The following NELL1 variants were observed in gnomAD, a reference collection of about 807,000 sequenced individuals.
NELL1 encodes protein kinase C-binding protein NELL1.
In NELL1, 76 loss-of-function variants were observed where a neutral mutation model predicts 107.4. The ratio of observed to expected loss-of-function variants is 0.71; its 90% CI spans 0.59 to 0.86. The LOEUF (loss-of-function observed/expected upper bound fraction) is 0.86. Ranked by LOEUF, NELL1 falls within the 40% of genes least tolerant of loss-of-function variation. The pLI is 0.00. For missense variants in NELL1, 1,024 were observed against 1,005.5 expected, an observed-to-expected ratio of 1.02 and a Z score of -0.25; for synonymous variants, 353 against 341.2, an observed-to-expected ratio of 1.03 and a Z score of -0.38.
intron 15 of NELL1, among the ~76,000 whole-genome samples, chr11:21,385,713 T>C (rs1183473795): frequency 6.6e-6 from 1 of 151,952 alleles, no homozygotes; most frequent in Admixed American, 6.6e-5. Flanking sequence ...CTGAAAAAAC[T>C]TAAATGGTTT....
At chr11:21,451,210 A>G (rs571680555) in intron 15 of NELL1, among the ~76,000 whole-genome samples, 11 of 147,572 alleles carry the variant, frequency 7.5e-5, no homozygotes, top group Admixed American at 3.3e-4. Context: ...AAAGAAAAAA[A>G]AAAGAAAAAA....
intron 2 of NELL1, among the ~76,000 whole-genome samples, chr11:20,689,671 A>C: frequency 6.8e-6 from 1 of 147,522 alleles, no homozygotes; most frequent in South Asian, 2.2e-4. Flanking sequence ...ACATTTTCTT[A>C]ATCCAGTCTA....
rs150643130 is a variant in NELL1, at chr11:21,183,601, G to A, written c.1427-45731G>A. On this transcript the variant is annotated intron_variant, in intron 13 of 19. Coordinates refer to ENST00000357134, the MANE Select transcript of NELL1 (RefSeq NM_006157.5). The stretch of plus-strand genomic sequence containing the variant: ...AATGCAGGCATCGATCTGTTTGATA[G>A]CATTCCATCAGCAGAGCTCTGGCCT... Among the ~76,000 whole-genome samples the A allele has an allele frequency of 7.0e-3, 1,069 of 151,892 alleles. 39 individuals are homozygous for A. The highest frequency in any genetic ancestry group is 0.024 in the African/African-American group (1,008 of 41,176).
chr11:21,270,734 A>G lies in NELL1; in HGVS notation c.1549+41280A>G, dbSNP rs1483137296. On this transcript the variant is annotated intron_variant, in intron 14 of 19. Coordinates refer to ENST00000357134, the MANE Select transcript of NELL1 (RefSeq NM_006157.5). ...TGACAGCACAACACACATTCTTCTC[A>G]AGCTCACATGGAACATTCATCAAAA... 3.3e-5 allele frequency among the ~76,000 whole-genome samples: 5 copies of G among 152,244 alleles called. No individual in the cohort carries two copies. In the East Asian group the frequency reaches 9.7e-4, roughly 29 times the overall value.
At chr11:21,239,926 GT>G (rs1336696232) in intron 14 of NELL1, among the ~76,000 whole-genome samples, 2 of 152,030 alleles carry the variant, frequency 1.3e-5, no homozygotes, top group Non-Finnish European at 2.9e-5. Context: ...GAAATGGGAA[GT>G]TTTGGGGATC....
chr11:20,834,280 G>C (rs1178260389), intron 3 of NELL1, among the ~76,000 whole-genome samples: 1 of 152,150 alleles, frequency 6.6e-6, no homozygotes, highest in South Asian at 2.1e-4. Context: ...GGAGAGAAAG[G>C]TGTCAAAGAC....
At chr11:21,475,160 A>G (rs1023258733) in intron 15 of NELL1, among the ~76,000 whole-genome samples, 9 of 152,190 alleles carry the variant, frequency 5.9e-5, no homozygotes, top group African/African-American at 2.2e-4. Context: ...CCTTTGCCTT[A>G]TGTTAACATT....
At chr11:21,114,720 A>C (rs1216488429) in intron 13 of NELL1, among the ~76,000 whole-genome samples, 1 of 152,038 alleles carries the variant, frequency 6.6e-6, no homozygotes, top group Non-Finnish European at 1.5e-5. Flanking sequence ...TGAGGACCAC[A>C]TAAAGTCACA....
chr11:20,703,047 T>G (rs140542949), intron 2 of NELL1, among the ~76,000 whole-genome samples: 19,135 of 152,218 alleles, frequency 0.13, 1,277 homozygotes, highest in African/African-American at 0.15. Flanking sequence ...CCCTCTTTTT[T>G]CTATTGATTG....
intron 15 of NELL1, among the ~76,000 whole-genome samples, chr11:21,514,079 AATG>A (rs1469916565): frequency 6.6e-6 from 1 of 152,248 alleles, no homozygotes; most frequent in Non-Finnish European, 1.5e-5. Flanking sequence ...CTCGATTGCA[AATG>A]ATTGACCTGG....
chr11:21,115,248 A>G (rs1334031996), intron 13 of NELL1, among the ~76,000 whole-genome samples: 2 of 151,974 alleles, frequency 1.3e-5, no homozygotes, highest in Non-Finnish European at 1.5e-5. Flanking sequence ...AAAAGGTAAC[A>G]GTGTGGGTAT....
intron 14 of NELL1, among the ~76,000 whole-genome samples, chr11:21,348,585 G>A (rs545074243): frequency 1.7e-4 from 26 of 152,136 alleles, no homozygotes; most frequent in African/African-American, 5.8e-4. Flanking sequence ...GGCATTTTGG[G>A]GTGGGGTTAA....
chr11:21,171,830 C>T (rs1856613073), intron 13 of NELL1, among the ~76,000 whole-genome samples: 1 of 151,792 alleles, frequency 6.6e-6, no homozygotes, highest in Admixed American at 6.6e-5. Flanking sequence ...AGTCTCTTCT[C>T]CCATTTTTGA....
intron 14 of NELL1, among the ~76,000 whole-genome samples, chr11:21,230,799 A>G (rs1345488985): frequency 1.0e-5 from 1 of 96,884 alleles, no homozygotes; most frequent in Non-Finnish European, 2.2e-5. Context: ...TATGAGTGTA[A>G]ATTGGTAAAA....
intron 5 of NELL1, among the ~76,000 whole-genome samples, chr11:20,888,032 A>C (rs1309843473): frequency 6.6e-6 from 1 of 152,202 alleles, no homozygotes; most frequent in Admixed American, 6.5e-5. Flanking sequence ...TAAAGAATGT[A>C]TGATGACTAG....
intron 15 of NELL1, among the ~76,000 whole-genome samples, chr11:21,498,025 C>T (rs562209062): frequency 1.3e-5 from 2 of 151,544 alleles, no homozygotes; most frequent in African/African-American, 2.4e-5. Flanking sequence ...TTCAATTTGT[C>T]TTATTTCACA....
chr11:21,274,163 A>G (rs1023685384), intron 14 of NELL1, among the ~76,000 whole-genome samples: 28 of 152,208 alleles, frequency 1.8e-4, no homozygotes, highest in African/African-American at 5.1e-4. Context: ...AACCCATCTC[A>G]CGTGCAGAGA....
At chr11:21,355,884 C>CT (rs1850921032) in intron 14 of NELL1, among the ~76,000 whole-genome samples, 1 of 152,152 alleles carries the variant, frequency 6.6e-6, no homozygotes, top group African/African-American at 2.4e-5. Context: ...GCTTGGATCT[C>CT]TAAGTCACTA....
chr11:21,275,549 A>T (rs1213123518), intron 14 of NELL1, among the ~76,000 whole-genome samples: 25 of 152,360 alleles, frequency 1.6e-4, no homozygotes, highest in Non-Finnish European at 1.5e-5. Context: ...AGCTCATTTT[A>T]TGAGGCCAGC....
Sources: allele counts gnomAD v4.1 joint callset (sites outside exome capture counted in the v4.1 genomes callset), GRCh38; gene constraint gnomAD v4.1.1; transcripts MANE v1.5; gene names NCBI Gene and HGNC (gene_info 2026-07-23, HGNC 2026-07-21).